Variants in LINGO2 observed in about 807,000 individuals in gnomAD.
LINGO2 encodes the protein leucine rich repeat and Ig domain containing 2.
LINGO2 carries 14 observed loss-of-function variants against 30.6 expected under a neutral mutation model. The ratio of observed to expected loss-of-function variants is 0.46; its 90% CI spans 0.30 to 0.72. LINGO2 has a LOEUF of 0.72. Ranked by LOEUF, LINGO2 falls within the 30% of genes least tolerant of loss-of-function variation. The pLI is 0.07. For missense variants in LINGO2, 729 were observed against 751.7 expected (o/e 0.97, Z 0.35); for synonymous variants, 317 against 288.5 (o/e 1.10, Z -1.00).
intron 3 of LINGO2, among the ~76,000 whole-genome samples, chr9:28,359,444 T>A (rs1820357962): frequency 6.6e-6 from 1 of 151,968 alleles, no homozygotes; most frequent in African/African-American, 2.4e-5. Context: ...CCATTTCCTG[T>A]CCCCACACAC....
chr9:28,980,839 C>T, the LINGO2 span, among the ~76,000 whole-genome samples: 11 of 152,010 alleles, frequency 7.2e-5, no homozygotes, highest in African/African-American at 2.7e-4. Context: ...TCAATATCCC[C>T]CTACCCTATA....
chr9:28,188,455 T>C (rs549915753), intron 4 of LINGO2, among the ~76,000 whole-genome samples: 11 of 152,238 alleles, frequency 7.2e-5, no homozygotes, highest in Admixed American at 3.9e-4. Context: ...TGCACGGCAA[T>C]TACAAAGATG....
chr9:28,424,887 T>C (rs1823341249), intron 2 of LINGO2, among the ~76,000 whole-genome samples: 1 of 152,096 alleles, frequency 6.6e-6, no homozygotes, highest in African/African-American at 2.4e-5. Flanking sequence ...TTTGAGTCCT[T>C]TCAACCATAC....
intron 3 of LINGO2, among the ~76,000 whole-genome samples, chr9:28,333,925 C>T (rs1191570996): frequency 2.0e-5 from 3 of 152,104 alleles, no homozygotes; most frequent in Non-Finnish European, 4.4e-5. Flanking sequence ...ATACTTTTGT[C>T]AGTCTGCTGT....
the LINGO2 span, among the ~76,000 whole-genome samples, chr9:29,058,485 G>A: frequency 6.6e-6 from 1 of 151,952 alleles, no homozygotes; most frequent in African/African-American, 2.4e-5. Flanking sequence ...AAAACATCAA[G>A]TTAGAAAAAA....
At chr9:28,120,990 T>G (rs987781174) in intron 4 of LINGO2, among the ~76,000 whole-genome samples, 1 of 152,220 alleles carries the variant, frequency 6.6e-6, no homozygotes, top group African/African-American at 2.4e-5. Flanking sequence ...CTGTTACATA[T>G]TGATTTATTT....
At chr9:27,974,519 C>T (rs1472113313) in intron 5 of LINGO2, among the ~76,000 whole-genome samples, 3 of 152,028 alleles carry the variant, frequency 2.0e-5, no homozygotes, top group East Asian at 1.9e-4. Context: ...GGGATTCCCT[C>T]GAAGAACCTG....
rs140962794 is a variant in LINGO2 at position 28,218,665 on chromosome 9, C to T, written c.-87+76543G>A. ...TCTAATGTTTAACTATATTCTCCAC[C>T]ATGAAGGACAAAGCTGAAGAAGCCA... is the stretch of plus-strand genomic sequence containing the variant. On this transcript the variant is annotated intron_variant, in intron 4 of 5. Coordinates refer to ENST00000379992, the Ensembl canonical transcript of LINGO2. Among the ~76,000 whole-genome samples, 335 of 152,084 alleles carry T rather than the reference C, an allele frequency of 2.2e-3. 1 individual carries two copies. Among genetic ancestry groups the T allele is most frequent in the African/African-American group, 6.5e-3 (269 of 41,476 alleles).
chr9:28,771,458 T>G, the LINGO2 span, among the ~76,000 whole-genome samples: 2 of 59,872 alleles, frequency 3.3e-5, no homozygotes, highest in Non-Finnish European at 5.8e-5. Context: ...ATTTGGTGTG[T>G]GTGTGTGTGT....
At chr9:28,846,172 G>A in the LINGO2 span, among the ~76,000 whole-genome samples, 1 of 151,694 alleles carries the variant, frequency 6.6e-6, no homozygotes, top group African/African-American at 2.4e-5. Flanking sequence ...TATAGGCAAT[G>A]AGTAGCATTC....
At chr9:28,008,165 G>C (rs1189804536) in intron 5 of LINGO2, among the ~76,000 whole-genome samples, 1 of 152,132 alleles carries the variant, frequency 6.6e-6, no homozygotes, top group South Asian at 2.1e-4. Context: ...AAGTGATGAA[G>C]TAGGGAGAAA....
At chr9:28,238,248 C>G (rs1821652500) in intron 4 of LINGO2, among the ~76,000 whole-genome samples, 1 of 150,014 alleles carries the variant, frequency 6.7e-6, no homozygotes, top group Admixed American at 6.6e-5. Context: ...AAATCAACGA[C>G]AACAACAACA....
the LINGO2 span, among the ~76,000 whole-genome samples, chr9:29,069,604 G>C: frequency 1.3e-5 from 2 of 151,940 alleles, no homozygotes; most frequent in Non-Finnish European, 2.9e-5. Flanking sequence ...TCTTTAAAAA[G>C]TAGTCACTAT....
the LINGO2 span, among the ~76,000 whole-genome samples, chr9:28,861,496 G>A: frequency 6.7e-6 from 1 of 149,932 alleles, no homozygotes; most frequent in Admixed American, 6.8e-5. Context: ...TCCATAACAG[G>A]AGACCTCAGG....
chr9:28,362,229 T>TGCGCGTGTGTGTGC (rs551794081), intron 3 of LINGO2, among the ~76,000 whole-genome samples: 13 of 150,130 alleles, frequency 8.7e-5, no homozygotes, highest in Non-Finnish European at 1.6e-4. Flanking sequence ...TGTGTGTGTG[T>TGCGCGTGTGTGTGC]GCGCATGCGC....
the LINGO2 span, among the ~76,000 whole-genome samples, chr9:28,967,206 C>T: frequency 3.9e-5 from 6 of 152,204 alleles, no homozygotes; most frequent in African/African-American, 1.2e-4. Context: ...AAGGCAGTGC[C>T]CAATTCACAC....
chr9:28,504,466 C>T (rs1820021482), intron 1 of LINGO2, among the ~76,000 whole-genome samples: 1 of 151,738 alleles, frequency 6.6e-6, no homozygotes, highest in African/African-American at 2.4e-5. Context: ...ACACATAAGG[C>T]TTCTAAATTG....
intron 4 of LINGO2, among the ~76,000 whole-genome samples, chr9:28,284,148 T>G (rs1008323918): frequency 6.6e-6 from 1 of 152,102 alleles, no homozygotes; most frequent in Non-Finnish European, 1.5e-5. Flanking sequence ...TGAATCTCTT[T>G]CCCTTCCAAT....
chr9:28,847,578 G>A, the LINGO2 span, among the ~76,000 whole-genome samples: 2,504 of 145,746 alleles, frequency 0.017, 265 homozygotes, highest in African/African-American at 0.059. Context: ...TTTCTGCTTT[G>A]GAAGCAACTC....
Sources: gnomAD v4.1 joint callset for allele counts (sites outside exome capture counted in the v4.1 genomes callset) on GRCh38, gnomAD v4.1.1 for gene constraint, MANE v1.5 for transcripts, NCBI Gene and HGNC (gene_info 2026-07-23, HGNC 2026-07-21) for gene names.